Variants in REL observed in about 807,000 individuals in gnomAD.
REL encodes REL proto-oncogene, NF-kB subunit.
A neutral mutation model predicts 45.9 loss-of-function variants in REL; 15 were observed. That is an observed-to-expected ratio of 0.33 (90% CI 0.22 to 0.50). The LOEUF (loss-of-function observed/expected upper bound fraction) is 0.50, where lower values mean the gene tolerates loss of function less well. Ranked by LOEUF, REL falls within the 20% of genes least tolerant of loss-of-function variation. The pLI, the probability that REL is intolerant of heterozygous loss-of-function variation, is 0.98. For missense variants in REL, 601 were observed against 715.2 expected, an observed-to-expected ratio of 0.84 and a Z score of 1.82; for synonymous variants, 239 against 242.1, an observed-to-expected ratio of 0.99 and a Z score of 0.12.
chr2:60,884,316 T>A (rs1016413554), intron 1 of REL, among the ~76,000 whole-genome samples: 1 of 152,024 alleles, frequency 6.6e-6, no homozygotes, highest in Non-Finnish European at 1.5e-5. Context: ...CATAATCTTA[T>A]AAGCAAAATT....
chr2:60,910,326 A>G (rs1333074131), intron 4 of REL, among the ~76,000 whole-genome samples: 1 of 151,780 alleles, frequency 6.6e-6, no homozygotes, highest in East Asian at 1.9e-4. Flanking sequence ...TTAGCCGGGC[A>G]TGGTGGCGGG....
intron 3 of REL, among the ~76,000 whole-genome samples, chr2:60,895,168 T>G (rs1259741802): frequency 2.9e-4 from 44 of 151,916 alleles, no homozygotes; most frequent in Non-Finnish European, 2.9e-5. Flanking sequence ...CTCTGTCTTT[T>G]CATTTATAGT....
At chr2:60,916,766 A>G in intron 4 of REL, 111 bp from the exon 5 acceptor site, 1 of 621,974 alleles carries the variant, frequency 1.6e-6, no homozygotes, top group Non-Finnish European at 2.7e-6. Flanking sequence ...TTATTCATAC[A>G]TATTTGGATG....
intron 1 of REL, among the ~76,000 whole-genome samples, 171 bp from the exon 2 acceptor site, chr2:60,891,512 A>T (rs767746733): frequency 1.9e-4 from 29 of 152,210 alleles, no homozygotes; most frequent in Non-Finnish European, 3.2e-4. Flanking sequence ...TGGGAAAAAA[A>T]GGTGCCTCTC....
intron 1 of REL, among the ~76,000 whole-genome samples, chr2:60,891,324 C>T (rs1419266018): frequency 6.6e-6 from 1 of 152,128 alleles, no homozygotes; most frequent in African/African-American, 2.4e-5. Context: ...CTTTACCCTT[C>T]TTGGGGAATC....
At chr2:60,905,737 GA>G (rs1364808600) in intron 4 of REL, among the ~76,000 whole-genome samples, 1 of 152,022 alleles carries the variant, frequency 6.6e-6, no homozygotes, top group African/African-American at 2.4e-5. Context: ...AGGAAAGGAA[GA>G]AAAATACACT....
In REL at chr2:60,922,792, C is replaced by G; in HGVS notation, c.*257C>G. ...GGCGCAGGGGCTCACACCTGTAATC[C>G]TAGCACTTTGGGAGGCCAAGGCGGG... On this transcript the variant is annotated 3_prime_UTR_variant, in exon 10 of 10. Coordinates refer to ENST00000394479, the MANE Select transcript of REL (RefSeq NM_001291746.2). 2 of 1,048,648 alleles carry G rather than the reference C, an allele frequency of 1.9e-6. No individual in the cohort carries two copies. Among genetic ancestry groups the G allele is most frequent in the Non-Finnish European group, 2.3e-6 (2 of 864,308 alleles). The allele number at this position is 1,048,648 out of a possible 1,614,324, so 65.0% of individuals were successfully genotyped here. A position where few individuals can be genotyped will look rare whatever the true frequency, so the allele number is the denominator to read the frequency against.
At chr2:60,916,193 A>G (rs578097990) in intron 4 of REL, among the ~76,000 whole-genome samples, 1 of 152,342 alleles carries the variant, frequency 6.6e-6, no homozygotes, top group East Asian at 1.9e-4. Context: ...TGGGTGGATC[A>G]CTTGAGCCTG....
rs578159942 is a variant in REL, at chr2:60,894,298, C to G, written c.154-99C>G. ...CAGCTGGATTTTATTTATCTAGTGC[C>G]AATTACATTATAATTAATGTAAATT... is the stretch of plus-strand genomic sequence containing the variant. On this transcript the variant is annotated intron_variant, in intron 2 of 9. Transcript: ENST00000394479. 2.1e-4 allele frequency: 146 copies of G among 698,426 alleles called. No individual in the cohort carries two copies. The African/African-American group carries it at 2.6e-3, about 13-fold the overall frequency. 43.3% of individuals were successfully genotyped at this position (698,426 alleles called of 1,614,324 possible).
chr2:60,904,742 T>A (rs2103954238), intron 4 of REL, among the ~76,000 whole-genome samples: 1 of 151,914 alleles, frequency 6.6e-6, no homozygotes, highest in South Asian at 2.1e-4. Flanking sequence ...TTTTTTTAAT[T>A]AACCAGATGC....
intron 1 of REL, among the ~76,000 whole-genome samples, chr2:60,888,335 C>A (rs1263765535): frequency 6.6e-6 from 1 of 151,964 alleles, no homozygotes; most frequent in African/African-American, 2.4e-5. Flanking sequence ...TATCAGTTTC[C>A]CACCAAGACA....
At chr2:60,890,452 AG>A (rs1212654921) in intron 1 of REL, among the ~76,000 whole-genome samples, 1 of 152,258 alleles carries the variant, frequency 6.6e-6, no homozygotes, top group East Asian at 1.9e-4. Context: ...TGTTCTGATA[AG>A]GCCCACTGTG....
At chr2:60,884,420 G>T (rs925140974) in intron 1 of REL, among the ~76,000 whole-genome samples, 7 of 152,018 alleles carry the variant, frequency 4.6e-5, no homozygotes, top group Non-Finnish European at 1.0e-4. Flanking sequence ...TTCACAGCTT[G>T]TATTAAGCTG....
At chr2:60,895,363 G>A (rs189777493) in intron 3 of REL, among the ~76,000 whole-genome samples, 3 of 151,958 alleles carry the variant, frequency 2.0e-5, no homozygotes, top group Admixed American at 2.0e-4. Flanking sequence ...TGTATTTTTT[G>A]TAGAGATGGG....
chr2:60,917,911 T>G (rs1674027411), intron 5 of REL, among the ~76,000 whole-genome samples: 1 of 152,114 alleles, frequency 6.6e-6, no homozygotes, highest in Non-Finnish European at 1.5e-5. Flanking sequence ...AAGATTAATC[T>G]GGTGACAGTG....
intron 4 of REL, among the ~76,000 whole-genome samples, chr2:60,906,913 A>ATTTTTTTTTTTTTTTTT (rs1162627805): frequency 9.6e-6 from 1 of 104,306 alleles, no homozygotes; most frequent in African/African-American, 4.0e-5. Flanking sequence ...ATATATATAT[A>ATTTTTTTTTTTTTTTTT]TTTTTTTTTT....
chr2:60,913,528 A>C lies in REL; in HGVS notation c.395-3349A>C, dbSNP rs182398614. ...CAGTTCACCCTTACTCCTAGGGTAT[A>C]GCTCTTTCAGACCTCAAATCCCCCA... On this transcript the variant is annotated intron_variant, in intron 4 of 9. Transcript: ENST00000394479. Among the ~76,000 whole-genome samples, 14 of 152,288 alleles carry C rather than the reference A, an allele frequency of 9.2e-5. No homozygotes were observed. In the East Asian group the frequency reaches 2.3e-3, roughly 25 times the overall value.
chr2:60,901,230 A>G, intron 4 of REL, 147 bp downstream of exon 4: 1 of 1,049,734 alleles, frequency 9.5e-7, no homozygotes, highest in Non-Finnish European at 1.2e-6. Context: ...ATCTCAGCTC[A>G]CTGCAACCTC....
In REL at chr2:60,920,627, AGAT is replaced by A; in HGVS notation, c.977_979del (p.Arg326_Tyr327delinsAsn). The A allele has an allele frequency of 6.3e-7, 1 of 1,597,668 alleles. No homozygotes were observed. Among genetic ancestry groups the A allele is most frequent in the South Asian group, 1.1e-5 (1 of 90,622 alleles). ...TCTCCTCGGTTCAATTGGAGAAGGA[AGAT>A]ACTTCAAAAAAGGTATTTTATTTCC... On this transcript the variant is annotated inframe_deletion, in exon 9 of 10. Coordinates refer to ENST00000394479, the MANE Select transcript of REL (RefSeq NM_001291746.2).
Sources: allele counts gnomAD v4.1 joint callset (sites outside exome capture counted in the v4.1 genomes callset), GRCh38; gene constraint gnomAD v4.1.1; transcripts MANE v1.5; gene names NCBI Gene and HGNC (gene_info 2026-07-23, HGNC 2026-07-21).